NAV1: variants seen among roughly 807,000 people sequenced by gnomAD.
NAV1 encodes the protein pore membrane and/or filament interacting like protein 3.
In NAV1, 18 loss-of-function variants were observed where a neutral mutation model predicts 175.2. The observed-to-expected ratio is 0.10, with a 90% CI of 0.07 to 0.15. The LOEUF is 0.15. Ranked by LOEUF, NAV1 falls within the 10% of genes least tolerant of loss-of-function variation. The pLI is 1.00. For synonymous variants in NAV1, 897 were observed against 978.7 expected, an observed-to-expected ratio of 0.92 and a Z score of 1.56; for missense variants, 1,731 against 2,436.6, an observed-to-expected ratio of 0.71 and a Z score of 6.10.
chr1:201,780,372 G>A, intron 3 of NAV1, 49 bp from the exon 8 acceptor site: 1 of 1,604,252 alleles, frequency 6.2e-7, no homozygotes. Flanking sequence ...TTTATTTTTT[G>A]CCTGGGCTTC....
chr1:201,564,039 G>A (rs1024179741), intron 1 of NAV1, among the ~76,000 whole-genome samples: 1 of 152,056 alleles, frequency 6.6e-6, no homozygotes, highest in Non-Finnish European at 1.5e-5. Context: ...TGAGGCTGCG[G>A]TGAGCCATGC....
intron 2 of NAV1, among the ~76,000 whole-genome samples, chr1:201,617,486 GC>G (rs1668040192): frequency 1.3e-5 from 2 of 152,184 alleles, no homozygotes; most frequent in African/African-American, 4.8e-5. Flanking sequence ...ATTCTGGGAG[GC>G]CAAAGAGGCA....
At chr1:201,663,551 A>G (rs554987087) in intron 1 of NAV1, among the ~76,000 whole-genome samples, 182 of 152,324 alleles carry the variant, frequency 1.2e-3, no homozygotes, top group African/African-American at 4.3e-3. Flanking sequence ...ATTGGCCAAC[A>G]AGCCCTCTGG....
At chr1:201,645,331 C>A (rs934212222), upstream of NAV1, among the ~76,000 whole-genome samples, 1 of 141,858 alleles carries the variant, frequency 7.0e-6, no homozygotes, top group African/African-American at 2.7e-5. Context: ...TGTTCTCACT[C>A]ACAGGTGGGA....
At chr1:201,660,522 G>T (rs1183966349) in intron 1 of NAV1, among the ~76,000 whole-genome samples, 3 of 152,192 alleles carry the variant, frequency 2.0e-5, no homozygotes, top group Non-Finnish European at 2.9e-5. Flanking sequence ...CAGGGTCTGG[G>T]CTCCTTGGAA....
chr1:201,651,335 T>G (rs574842528), intron 1 of NAV1, among the ~76,000 whole-genome samples: 127 of 152,114 alleles, frequency 8.3e-4, no homozygotes, highest in African/African-American at 3.0e-3. Flanking sequence ...GACTGCCCAT[T>G]GAAGCCCTCT....
Position 201,811,979 on chromosome 1 carries a change from G to C in NAV1, c.5024+5G>C. ...TGGCTTGCACTTGAGCTTCAGGTAA[G>C]ACCTCTAGCTCTGGATGAACCTTCT... On this transcript the variant is annotated splice_donor_5th_base_variant and intron_variant, in intron 26 of 29. Coordinates refer to ENST00000367296, the Ensembl canonical transcript of NAV1. 1 of 1,613,674 alleles carries C rather than the reference G, an allele frequency of 6.2e-7. No homozygotes were observed. The highest frequency in any genetic ancestry group is 8.5e-7 in the Non-Finnish European group (1 of 1,179,620).
At chr1:201,704,256 T>G (rs1178134344) in intron 1 of NAV1, among the ~76,000 whole-genome samples, 1 of 152,160 alleles carries the variant, frequency 6.6e-6, no homozygotes. Context: ...AAAGGAGCTG[T>G]GCTAAGCAGG....
chr1:201,693,092 G>A (rs1347683953), intron 1 of NAV1, among the ~76,000 whole-genome samples: 1 of 152,214 alleles, frequency 6.6e-6, no homozygotes, highest in East Asian at 1.9e-4. Flanking sequence ...AGTGGGTGGA[G>A]GAGGTGCCAT....
intron 3 of NAV1, among the ~76,000 whole-genome samples, chr1:201,729,425 G>C (rs1672751871): frequency 6.6e-6 from 1 of 151,984 alleles, no homozygotes; most frequent in African/African-American, 2.4e-5. Context: ...TGGATCACTT[G>C]AGGTCGGGAG....
chr1:201,753,292 C>T (rs1418459768), intron 3 of NAV1, among the ~76,000 whole-genome samples: 1 of 152,138 alleles, frequency 6.6e-6, no homozygotes, highest in Non-Finnish European at 1.5e-5. Context: ...GTAAGAACTG[C>T]ATTGCATATT....
At chr1:201,560,938 G>A (rs1409429161) in intron 1 of NAV1, among the ~76,000 whole-genome samples, 3 of 152,210 alleles carry the variant, frequency 2.0e-5, no homozygotes, top group Non-Finnish European at 2.9e-5. Context: ...CAGCATTTCC[G>A]TTGCATTTGC....
rs199581511 is a variant in NAV1 at position 201,609,842 on chromosome 1, GTA to G, written c.-32-13002_-32-13001del. Among the ~76,000 whole-genome samples, 461 of 152,186 alleles carry G rather than the reference GTA, an allele frequency of 3.0e-3. 6 individuals carry two copies. The highest frequency in any genetic ancestry group is 2.3e-3 in the South Asian group (11 of 4,816). ...TTGTAACTCTGGCCTGGAGGAAAGT[GTA>G]TATATATAGAGAGAGAGAGGGAGGA... On this transcript the variant is annotated intron_variant, in intron 2 of 33. Coordinates refer to the NAV1 transcript ENST00000685211.
rs1396178940 is a variant in NAV1, at chr1:201,812,419, G to A, written c.5025-46G>A. On this transcript the variant is annotated intron_variant, in intron 26 of 29. Transcript: ENST00000367296. The surrounding 1 kb of genome is among the most constrained non-coding windows in gnomAD (Gnocchi z 4.6). Reference sequence around the variant, plus strand: ...CTGGCAGGGGCTGAACCCTGACAATGTCCCCATTGCCACTCTGACCCCACT... The same window carrying A: ...CTGGCAGGGGCTGAACCCTGACAATATCCCCATTGCCACTCTGACCCCACT... 1.9e-6 allele frequency: 3 copies of A among 1,583,078 alleles called. No homozygotes were observed. The highest frequency in any genetic ancestry group is 1.7e-5 in the Admixed American group (1 of 59,872).
At chr1:201,756,071 C>T (rs1479626288) in intron 3 of NAV1, among the ~76,000 whole-genome samples, 1 of 146,998 alleles carries the variant, frequency 6.8e-6, no homozygotes, top group African/African-American at 2.6e-5. Flanking sequence ...TGCGCCATTG[C>T]ACTCCAGCCT....
chr1:201,725,314 G>A (rs1289498205), intron 3 of NAV1, among the ~76,000 whole-genome samples: 1 of 152,160 alleles, frequency 6.6e-6, no homozygotes, highest in Non-Finnish European at 1.5e-5. Flanking sequence ...CCCGCCTAGC[G>A]GGACAGCTGG....
Position 201,782,280 on chromosome 1 carries a change from A to C in NAV1, c.1768A>C (p.Lys590Gln), listed in dbSNP as rs753706222. The change falls in exon 6 of 30, where the codon AAG becomes CAG. Residue 590 changes from lysine to glutamine, a missense_variant. Physicochemically the swap from Lys to Gln is moderately conservative, Grantham distance 53. This residue lies in a region of NAV1 where 634 missense variants were observed against 766.8 expected (regional missense o/e 0.83). Coordinates refer to ENST00000367296, the Ensembl canonical transcript of NAV1. This position sits in a 1 kb window ranked among gnomAD's most constrained non-coding sequence, Gnocchi z 5.4. ...TGGTCGGGACCGCCTGAGTGATGCT[A>C]AGAAGCCCCCCTCGGGCATTGCTCG... is the stretch of plus-strand genomic sequence containing the variant. 1 of 1,614,042 alleles carries C rather than the reference A, an allele frequency of 6.2e-7. No homozygotes were observed. The highest frequency in any genetic ancestry group is 1.3e-5 in the African/African-American group (1 of 74,916).
At chr1:201,704,798 G>C (rs764314557) in intron 1 of NAV1, among the ~76,000 whole-genome samples, 1 of 152,272 alleles carries the variant, frequency 6.6e-6, no homozygotes, top group South Asian at 2.1e-4. Flanking sequence ...TGAGAGAAAA[G>C]ATGCTTTTAT....
chr1:201,645,754 G>A (rs546189970), upstream of NAV1, among the ~76,000 whole-genome samples: 4 of 152,096 alleles, frequency 2.6e-5, no homozygotes, highest in Non-Finnish European at 5.9e-5. Flanking sequence ...GTCTGCTAAG[G>A]AGAAGATGAA....
Sources: allele counts gnomAD v4.1 joint callset (sites outside exome capture counted in the v4.1 genomes callset), GRCh38; gene constraint gnomAD v4.1.1; regional missense constraint gnomAD v4.1.1; non-coding constraint Gnocchi (gnomAD v3.1); transcripts MANE v1.5; gene names NCBI Gene and HGNC (gene_info 2026-07-23, HGNC 2026-07-21).